Variants in TMPRSS6 observed in about 807,000 individuals in gnomAD.
TMPRSS6 encodes the protein transmembrane protease serine 6.
TMPRSS6 carries 67 observed loss-of-function variants against 101.5 expected under a neutral mutation model. The ratio of observed to expected loss-of-function variants is 0.66; its 90% CI spans 0.54 to 0.81. The LOEUF is 0.81. Among genes scored for constraint, TMPRSS6 ranks in the 30% least tolerant of loss-of-function variants. The probability of loss-of-function intolerance (pLI) is 0.00; values close to 1 mark genes in which losing one functional copy is unlikely to be tolerated. For synonymous variants in TMPRSS6, 453 were observed against 464.9 expected (o/e 0.97, Z 0.33); for missense variants, 1,034 against 1,088.7 (o/e 0.95, Z 0.71).
chr22:37,094,307 G>A (rs1375999306), intron 6 of TMPRSS6, among the ~76,000 whole-genome samples: 5 of 152,064 alleles, frequency 3.3e-5, no homozygotes, highest in Non-Finnish European at 7.3e-5. Flanking sequence ...TTCTTGCCTG[G>A]TAGGACCTTA....
At chr22:37,095,840 C>T (rs1178390589) in intron 5 of TMPRSS6, 66 bp downstream of exon 5, 52 of 1,597,950 alleles carry the variant, frequency 3.3e-5, no homozygotes, top group Non-Finnish European at 4.2e-5. Context: ...CCTCCCCGGG[C>T]CACACCACAG....
At chr22:37,078,973 A>AAAAGAAAGATAGAAAGAAAG (rs1928006530) in intron 10 of TMPRSS6, among the ~76,000 whole-genome samples, 1 of 106,510 alleles carries the variant, frequency 9.4e-6, no homozygotes, top group Non-Finnish European at 1.9e-5. Flanking sequence ...GAAAGAAAGA[A>AAAAGAAAGATAGAAAGAAAG]AAAGAAAGAA....
Position 37,066,880 on chromosome 22 carries a change from C to T in TMPRSS6, c.2196G>A (p.Val732=). 6.2e-7 allele frequency: 1 copy of T among 1,614,198 alleles called. No individual in the cohort carries two copies. The highest frequency in any genetic ancestry group is 8.5e-7 in the Non-Finnish European group (1 of 1,180,040). The change falls in exon 17 of 18, where the codon GTG becomes GTA. Residue 732 remains valine, a synonymous_variant. Coordinates refer to ENST00000676104, the MANE Select transcript of TMPRSS6 (RefSeq NM_001374504.1). ...DLCSEVYRYQ[V]TPRMLCAGYR... ...AGCCGGCACACAGCATGCGTGGCGT[C>T]ACCTGGTAGCGATAGACCTCGCTGC...
intron 13 of TMPRSS6, among the ~76,000 whole-genome samples, chr22:37,072,164 T>C (rs1349606101): frequency 7.8e-5 from 11 of 140,366 alleles, no homozygotes; most frequent in Non-Finnish European, 9.1e-5. Context: ...GGATGGATGA[T>C]GGATGAACGG....
intron 6 of TMPRSS6, among the ~76,000 whole-genome samples, chr22:37,093,335 G>A (rs963976069): frequency 6.6e-6 from 1 of 150,496 alleles, no homozygotes; most frequent in Non-Finnish European, 1.5e-5. Context: ...TTCTATTGCA[G>A]GAGAAAAAAT....
intron 13 of TMPRSS6, among the ~76,000 whole-genome samples, chr22:37,071,498 C>T (rs1926899938): frequency 6.6e-6 from 1 of 152,250 alleles, no homozygotes; most frequent in South Asian, 2.1e-4. Flanking sequence ...TTAGCTCTCA[C>T]CAAGGGCCAA....
At chr22:37,085,231 G>T (rs1435882021) in intron 8 of TMPRSS6, among the ~76,000 whole-genome samples, 1 of 152,164 alleles carries the variant, frequency 6.6e-6, no homozygotes, top group Non-Finnish European at 1.5e-5. Context: ...GAAAAGGAGT[G>T]GCTTGGTTGA....
At position 37,096,060 on chromosome 22, in the gene TMPRSS6, G is replaced by T. The variant is rs750953148; in HGVS notation, c.435C>A (p.Phe145Leu). 34 of 1,614,204 alleles carry T rather than the reference G, an allele frequency of 2.1e-5. No individual in the cohort carries two copies. The highest frequency in any genetic ancestry group is 2.7e-5 in the African/African-American group (2 of 75,062). Reference sequence around the variant, plus strand: ...GGCGGTGCTCGGGGATTTGGAGAATGAACCAGAAGAAGCAGGTGAGGGGTC... The same window carrying T: ...GGCGGTGCTCGGGGATTTGGAGAATTAACCAGAAGAAGCAGGTGAGGGGTC... The part of the protein sequence containing the change: ...GEGPLTCFFW[F>L]ILQIPEHRRL... The change falls in exon 5 of 18, where the codon TTC becomes TTA. Residue 145 changes from phenylalanine to leucine, a missense_variant. Coordinates refer to ENST00000676104, the MANE Select transcript of TMPRSS6 (RefSeq NM_001374504.1).
intron 10 of TMPRSS6, 77 bp from the exon 11 acceptor site, chr22:37,075,357 G>A: frequency 6.3e-7 from 1 of 1,588,312 alleles, no homozygotes. Context: ...GCAAGGACAG[G>A]CAGCCAGAGG....
At chr22:37,075,038 C>T in intron 11 of TMPRSS6, 97 bp downstream of exon 11, 2 of 1,585,726 alleles carry the variant, frequency 1.3e-6, no homozygotes, top group Admixed American at 1.7e-5. Flanking sequence ...TTTTGTTCAG[C>T]CTCATAAGCA....
At chr22:37,109,722 G>A (rs1930953507), upstream of TMPRSS6, among the ~76,000 whole-genome samples, 1 of 152,226 alleles carries the variant, frequency 6.6e-6, no homozygotes, top group Admixed American at 6.5e-5. Flanking sequence ...CTAAGTACAG[G>A]TAAACAGGCA....
Position 37,075,290 on chromosome 22 carries a change from G to A in TMPRSS6, c.1197-10C>T, listed in dbSNP as rs749873290. The A allele has an allele frequency of 1.9e-6, 3 of 1,613,314 alleles. No individual in the cohort carries two copies. Among genetic ancestry groups the A allele is most frequent in the Non-Finnish European group, 1.7e-6 (2 of 1,180,000 alleles). On this transcript the variant is annotated splice_polypyrimidine_tract_variant and intron_variant, in intron 10 of 17. Coordinates refer to ENST00000676104, the MANE Select transcript of TMPRSS6 (RefSeq NM_001374504.1). ...GCGCAAGCCACACAGCCTGGGGGGA[G>A]TCAGAGACGACTCAGGGCTGCACTG...
intron 3 of TMPRSS6, among the ~76,000 whole-genome samples, chr22:37,097,987 C>T (rs1439443134): frequency 9.4e-6 from 1 of 106,570 alleles, no homozygotes; most frequent in East Asian, 2.9e-4. Context: ...GGCCACCGTC[C>T]TGTAACGGAG....
intron 3 of TMPRSS6, 98 bp from the exon 4 acceptor site, chr22:37,096,813 C>A: frequency 1.7e-6 from 2 of 1,184,720 alleles, no homozygotes; most frequent in Non-Finnish European, 2.5e-6. Flanking sequence ...GGCAGCCCCG[C>A]TCCATGCATG....
chr22:37,087,502 T>G (rs1420904861), intron 7 of TMPRSS6, among the ~76,000 whole-genome samples: 7 of 151,692 alleles, frequency 4.6e-5, no homozygotes, highest in Non-Finnish European at 8.8e-5. Context: ...CCTGGGAGGG[T>G]CTTGGTGCCC....
chr22:37,084,600 G>T, intron 9 of TMPRSS6, 127 bp downstream of exon 9: 1 of 897,438 alleles, frequency 1.1e-6, no homozygotes. Context: ...GGCAGGATGT[G>T]TACCCAGGGC....
intron 7 of TMPRSS6, among the ~76,000 whole-genome samples, chr22:37,086,965 T>G (rs1389446081): frequency 6.6e-6 from 1 of 152,202 alleles, no homozygotes; most frequent in African/African-American, 2.4e-5. Context: ...TCTGGGCTTT[T>G]AGAAATCTGG....
At chr22:37,077,009 A>C (rs1356448513) in intron 10 of TMPRSS6, among the ~76,000 whole-genome samples, 1 of 152,218 alleles carries the variant, frequency 6.6e-6, no homozygotes, top group Non-Finnish European at 1.5e-5. Context: ...TAAGCACTTA[A>C]CCGTTCAATA....
intron 10 of TMPRSS6, among the ~76,000 whole-genome samples, chr22:37,078,951 G>A (rs868289756): frequency 1.9e-5 from 2 of 104,038 alleles, no homozygotes; most frequent in African/African-American, 3.4e-5. Context: ...AGGAGAAGGA[G>A]AAAAAGAGAA....
Sources: allele counts gnomAD v4.1 joint callset (sites outside exome capture counted in the v4.1 genomes callset), GRCh38; gene constraint gnomAD v4.1.1; transcripts MANE v1.5; gene names NCBI Gene and HGNC (gene_info 2026-07-23, HGNC 2026-07-21).